The following TRHDE variants were observed in gnomAD, a reference collection of about 807,000 sequenced individuals.
TRHDE encodes the protein thyrotropin releasing hormone degrading enzyme.
In TRHDE, 72 loss-of-function variants were observed where a neutral mutation model predicts 125.7. The observed-to-expected ratio is 0.57, with a 90% CI of 0.47 to 0.70. TRHDE has a LOEUF of 0.70. Ranked by LOEUF, TRHDE falls within the 30% of genes least tolerant of loss-of-function variation. TRHDE has a pLI of 0.00. For synonymous variants in TRHDE, 509 were observed against 509.1 expected (o/e 1.00, Z 0.00); for missense variants, 1,110 against 1,327.1 (o/e 0.84, Z 2.54).
intron 2 of TRHDE, among the ~76,000 whole-genome samples, chr12:72,171,363 G>A (rs903599400): frequency 5.3e-5 from 8 of 152,284 alleles, no homozygotes; most frequent in Non-Finnish European, 1.0e-4. Flanking sequence ...TGTGAGAAGG[G>A]CTCTTTCTAA....
intron 2 of TRHDE, among the ~76,000 whole-genome samples, chr12:72,357,744 T>A (rs1713508501): frequency 1.3e-5 from 2 of 151,474 alleles, no homozygotes; most frequent in South Asian, 4.1e-4. Context: ...GAAAAATGGG[T>A]AACTGTGAAA....
intron 3 of TRHDE, among the ~76,000 whole-genome samples, chr12:72,400,586 A>G (rs1210108950): frequency 6.6e-6 from 1 of 152,170 alleles, no homozygotes; most frequent in East Asian, 1.9e-4. Flanking sequence ...ATACTGGCAG[A>G]AATACCTTTC....
chr12:72,491,257 A>AT (rs995286952), intron 5 of TRHDE, among the ~76,000 whole-genome samples: 8 of 151,876 alleles, frequency 5.3e-5, no homozygotes, highest in Admixed American at 4.6e-4. Flanking sequence ...ATTTGCAGTG[A>AT]TTTTTTGGGC....
At chr12:72,550,684 T>C (rs1869633757) in intron 7 of TRHDE, among the ~76,000 whole-genome samples, 1 of 151,950 alleles carries the variant, frequency 6.6e-6, no homozygotes, top group Non-Finnish European at 1.5e-5. Context: ...TTTTGTTAAA[T>C]AACACTCTAA....
intron 15 of TRHDE, among the ~76,000 whole-genome samples, chr12:72,623,778 G>A (rs576085063): frequency 6.6e-6 from 1 of 152,026 alleles, no homozygotes; most frequent in South Asian, 2.1e-4. Flanking sequence ...GTGGGTAGAT[G>A]GGAATTGCAG....
intron 1 of TRHDE, among the ~76,000 whole-genome samples, chr12:72,283,283 C>T (rs7295741): frequency 0.69 from 104,504 of 151,954 alleles, 36,011 homozygotes; most frequent in East Asian, 0.83. Context: ...ACCAATCACA[C>T]TTGGGGAATA....
chr12:72,577,940 G>C (rs1320612165), intron 12 of TRHDE, among the ~76,000 whole-genome samples: 1 of 152,072 alleles, frequency 6.6e-6, no homozygotes, highest in Non-Finnish European at 1.5e-5. Context: ...TTCTATTACA[G>C]TAAGAGTAAA....
chr12:72,100,999 G>A (rs2139288970), intron 1 of TRHDE, among the ~76,000 whole-genome samples: 1 of 152,346 alleles, frequency 6.6e-6, no homozygotes, highest in Admixed American at 6.5e-5. Flanking sequence ...AAATTCAGAA[G>A]TAAATGAAGG....
chr12:72,087,774 GA>G (rs1347552020), intron 1 of TRHDE, among the ~76,000 whole-genome samples: 2 of 151,878 alleles, frequency 1.3e-5, no homozygotes, highest in Non-Finnish European at 2.9e-5. Flanking sequence ...AAGACAATAT[GA>G]AAAAAATATT....
intron 5 of TRHDE, among the ~76,000 whole-genome samples, chr12:72,483,601 T>C (rs1234304216): frequency 6.6e-6 from 1 of 151,986 alleles, no homozygotes; most frequent in Admixed American, 6.6e-5. Context: ...AGCTTTTCTC[T>C]ACTAATTATA....
At chr12:72,396,729 C>G (rs1006620249) in intron 3 of TRHDE, among the ~76,000 whole-genome samples, 2 of 151,798 alleles carry the variant, frequency 1.3e-5, no homozygotes, top group African/African-American at 2.4e-5. Context: ...GGCAGCAGAG[C>G]GAGACTCCAT....
rs1323668835 is a variant in TRHDE, at chr12:72,238,319, T to TAC, written n.279+132568_279+132569insCA. ...ATATATATATATATATATATATATA[T>TAC]ATACATATATATATACACATTATAT... On this transcript the variant is annotated intron_variant and non_coding_transcript_variant, in intron 2 of 4. Transcript: ENST00000548156. 4.2e-4 allele frequency among the ~76,000 whole-genome samples: 12 copies of TAC among 28,690 alleles called. 1 individual carries two copies. The highest frequency in any genetic ancestry group is 1.2e-3 in the East Asian group (2 of 1,684). The allele number at this position is 28,690 out of a possible 152,430, so 18.8% of individuals were successfully genotyped here. A position where few individuals can be genotyped will look rare whatever the true frequency, so the allele number is the denominator to read the frequency against.
intron 2 of TRHDE, among the ~76,000 whole-genome samples, chr12:72,141,522 G>A (rs368099069): frequency 1.1e-4 from 16 of 152,236 alleles, no homozygotes; most frequent in African/African-American, 3.9e-4. Context: ...TATTTTTGTG[G>A]TTATGGTTTC....
intron 2 of TRHDE, among the ~76,000 whole-genome samples, chr12:72,183,665 A>T (rs541388593): frequency 3.5e-4 from 54 of 152,244 alleles, no homozygotes; most frequent in African/African-American, 1.3e-3. Flanking sequence ...TATCTGAGAG[A>T]TGAGGGCTTC....
intron 6 of TRHDE, among the ~76,000 whole-genome samples, chr12:72,521,877 G>A (rs1443635839): frequency 6.6e-6 from 1 of 150,898 alleles, no homozygotes; most frequent in Non-Finnish European, 1.5e-5. Flanking sequence ...AGAGTTTTAA[G>A]TGCTGTCTAA....
intron 2 of TRHDE, among the ~76,000 whole-genome samples, chr12:72,249,380 A>G (rs574503978): frequency 6.6e-6 from 1 of 152,174 alleles, no homozygotes; most frequent in Non-Finnish European, 1.5e-5. Context: ...AGATTTTAGC[A>G]TAACTTCACA....
rs188385076 is a variant in TRHDE at position 72,383,876 on chromosome 12, T to G, written c.1315+5755T>G. On this transcript the variant is annotated intron_variant, in intron 3 of 18. Coordinates refer to ENST00000261180, the MANE Select transcript of TRHDE (RefSeq NM_013381.3). ...TTCGGCTGAAATGGATTCCAGAAAT[T>G]TAAATAATTCAGAGATCAAAATATA... 3.6e-3 allele frequency among the ~76,000 whole-genome samples: 552 copies of G among 152,270 alleles called. 3 individuals carry two copies. The highest frequency in any genetic ancestry group is 4.7e-3 in the Non-Finnish European group (319 of 68,008).
intron 2 of TRHDE, among the ~76,000 whole-genome samples, chr12:72,118,896 A>AT (rs1009395314): frequency 1.3e-4 from 20 of 151,360 alleles, no homozygotes; most frequent in African/African-American, 4.6e-4. Flanking sequence ...GTAATGTCTC[A>AT]TTTTTTGTCT....
At chr12:72,646,461 A>G (rs1160820155) in intron 15 of TRHDE, among the ~76,000 whole-genome samples, 2 of 152,090 alleles carry the variant, frequency 1.3e-5, no homozygotes, top group African/African-American at 4.8e-5. Flanking sequence ...AATTTTGTTA[A>G]AATGGCAAAA....
Sources: allele counts gnomAD v4.1 joint callset (sites outside exome capture counted in the v4.1 genomes callset), GRCh38; gene constraint gnomAD v4.1.1; transcripts MANE v1.5; gene names NCBI Gene and HGNC (gene_info 2026-07-23, HGNC 2026-07-21).